CDH18: variants seen among roughly 807,000 people sequenced by gnomAD.
CDH18 encodes the protein cadherin 18.
In CDH18, 31 loss-of-function variants were observed where a neutral mutation model predicts 67.9. That is an observed-to-expected ratio of 0.46 (90% CI 0.34 to 0.62). The LOEUF (loss-of-function observed/expected upper bound fraction) is 0.62. CDH18 is among the 20% of genes least tolerant of loss of function. The pLI, the probability that CDH18 is intolerant of heterozygous loss-of-function variation, is 0.01. For synonymous variants in CDH18, 362 were observed against 347.2 expected (o/e 1.04, Z -0.48); for missense variants, 890 against 975.5 (o/e 0.91, Z 1.17).
At chr5:19,871,995 C>T (rs1041129018) in intron 2 of CDH18, among the ~76,000 whole-genome samples, 2 of 152,022 alleles carry the variant, frequency 1.3e-5, no homozygotes, top group Admixed American at 6.6e-5. Context: ...ATCTTGTCTC[C>T]CATTGGAAAC....
intron 1 of CDH18, among the ~76,000 whole-genome samples, chr5:20,427,684 T>C (rs1431213556): frequency 6.6e-6 from 1 of 151,124 alleles, no homozygotes; most frequent in Non-Finnish European, 1.5e-5. Flanking sequence ...CCTCCTTACT[T>C]CAGTAAGCAG....
At chr5:19,640,189 C>G (rs1327428995) in intron 5 of CDH18, among the ~76,000 whole-genome samples, 1 of 152,028 alleles carries the variant, frequency 6.6e-6, no homozygotes, top group Non-Finnish European at 1.5e-5. Flanking sequence ...ACTGGTGTGG[C>G]TAAATATACA....
chr5:20,282,694 C>T (rs1013804444), intron 1 of CDH18, among the ~76,000 whole-genome samples: 3 of 152,062 alleles, frequency 2.0e-5, no homozygotes, highest in Non-Finnish European at 4.4e-5. Flanking sequence ...TGCTGTGTCT[C>T]TGCCAGGCTT....
At chr5:20,266,443 G>A (rs1028134712) in intron 1 of CDH18, among the ~76,000 whole-genome samples, 10 of 151,974 alleles carry the variant, frequency 6.6e-5, no homozygotes, top group East Asian at 1.9e-4. Flanking sequence ...TCACTCCATC[G>A]CCCAGGCTGG....
intron 2 of CDH18, among the ~76,000 whole-genome samples, chr5:19,930,137 T>C (rs1332778734): frequency 6.6e-6 from 1 of 152,054 alleles, no homozygotes; most frequent in Non-Finnish European, 1.5e-5. Context: ...CTTATAATTA[T>C]CATTCTCAGC....
intron 2 of CDH18, among the ~76,000 whole-genome samples, chr5:19,970,591 G>A (rs1491004232): frequency 6.6e-6 from 1 of 151,476 alleles, no homozygotes; most frequent in Non-Finnish European, 1.5e-5. Flanking sequence ...CTTTTAAAAG[G>A]CTATGTAGTG....
At chr5:20,389,780 C>T (rs527389160) in intron 1 of CDH18, among the ~76,000 whole-genome samples, 11 of 152,052 alleles carry the variant, frequency 7.2e-5, no homozygotes, top group African/African-American at 2.7e-4. Flanking sequence ...GTACTGGTAC[C>T]AAAACAGAGA....
chr5:19,682,148 A>G (rs1263196535), intron 5 of CDH18, among the ~76,000 whole-genome samples: 1 of 152,060 alleles, frequency 6.6e-6, no homozygotes, highest in Non-Finnish European at 1.5e-5. Flanking sequence ...TAAGACTTAG[A>G]CTTTGTAAAC....
At chr5:20,391,334 C>T (rs1398348619) in intron 1 of CDH18, among the ~76,000 whole-genome samples, 1 of 151,794 alleles carries the variant, frequency 6.6e-6, no homozygotes, top group Non-Finnish European at 1.5e-5. Flanking sequence ...TCAGTAGACT[C>T]TGAACTTATT....
chr5:20,434,299 C>G (rs987126850), intron 1 of CDH18, among the ~76,000 whole-genome samples: 9 of 152,044 alleles, frequency 5.9e-5, no homozygotes, highest in Non-Finnish European at 8.8e-5. Flanking sequence ...ATAGGTGACA[C>G]AGCTGTATGA....
rs182502566 is a variant in CDH18 at position 19,867,774 on chromosome 5, A to G, written c.-256-28532T>C. Among the ~76,000 whole-genome samples the G allele has an allele frequency of 3.3e-3, 496 of 152,322 alleles. 2 individuals carry two copies. The highest frequency in any genetic ancestry group is 5.0e-3 in the Admixed American group (77 of 15,294). Reference sequence around the variant, plus strand: ...TTCTAAATACACATTTTGGCATTCCATATTATTATAATTATGTGACCTATT... The same window carrying G: ...TTCTAAATACACATTTTGGCATTCCGTATTATTATAATTATGTGACCTATT... On this transcript the variant is annotated intron_variant, in intron 2 of 12. Coordinates refer to ENST00000382275, the MANE Select transcript of CDH18 (RefSeq NM_004934.5).
chr5:20,187,069 T>C (rs1190291558), intron 2 of CDH18, among the ~76,000 whole-genome samples: 1 of 151,836 alleles, frequency 6.6e-6, no homozygotes, highest in Non-Finnish European at 1.5e-5. Context: ...TGATTTTAAT[T>C]ATAAGGAACT....
At chr5:20,246,676 A>C (rs899529324) in intron 2 of CDH18, among the ~76,000 whole-genome samples, 2 of 152,310 alleles carry the variant, frequency 1.3e-5, no homozygotes, top group African/African-American at 2.4e-5. Context: ...GGTGAATAAA[A>C]CTATATACAT....
At chr5:20,530,908 G>A (rs1756362154) in intron 1 of CDH18, among the ~76,000 whole-genome samples, 2 of 152,006 alleles carry the variant, frequency 1.3e-5, no homozygotes, top group South Asian at 4.1e-4. Flanking sequence ...AAACTAAAGA[G>A]CTTCTGCACA....
intron 8 of CDH18, among the ~76,000 whole-genome samples, chr5:19,549,349 T>C (rs572175374): frequency 1.3e-5 from 2 of 152,302 alleles, no homozygotes; most frequent in South Asian, 4.1e-4. Context: ...CCTTCTGCCA[T>C]GACTGTAAGT....
intron 2 of CDH18, among the ~76,000 whole-genome samples, chr5:19,840,136 C>T (rs750722767): frequency 1.3e-5 from 2 of 150,292 alleles, no homozygotes; most frequent in Non-Finnish European, 3.0e-5. Context: ...GGCTTGGTGG[C>T]GGTCACCTGT....
chr5:20,232,293 A>C (rs1742139306), intron 2 of CDH18, among the ~76,000 whole-genome samples: 1 of 152,118 alleles, frequency 6.6e-6, no homozygotes, highest in Admixed American at 6.5e-5. Context: ...TATATGTTTC[A>C]TTACCTTATG....
chr5:20,501,342 T>C (rs1754236008), intron 1 of CDH18, among the ~76,000 whole-genome samples: 1 of 149,796 alleles, frequency 6.7e-6, no homozygotes, highest in South Asian at 2.1e-4. Context: ...AGCTTTTCTA[T>C]ACAGCTAAAT....
intron 3 of CDH18, among the ~76,000 whole-genome samples, chr5:19,756,059 T>G (rs1245377919): frequency 6.6e-6 from 1 of 152,098 alleles, no homozygotes; most frequent in African/African-American, 2.4e-5. Context: ...ACACATCTCC[T>G]GAGATCATGC....
Sources: gnomAD v4.1 joint callset for allele counts (sites outside exome capture counted in the v4.1 genomes callset) on GRCh38, gnomAD v4.1.1 for gene constraint, MANE v1.5 for transcripts, NCBI Gene and HGNC (gene_info 2026-07-23, HGNC 2026-07-21) for gene names.